Variants in FAXC observed in about 807,000 individuals in gnomAD.
FAXC encodes the protein failed axon connections homolog.
FAXC carries 10 observed loss-of-function variants against 41.9 expected under a neutral mutation model. That is an observed-to-expected ratio of 0.24 (90% CI 0.15 to 0.41). The LOEUF is 0.41. Among genes scored for constraint, FAXC ranks in the 10% least tolerant of loss-of-function variants. FAXC has a pLI of 1.00. For missense variants in FAXC, 399 were observed against 510.9 expected (o/e 0.78, Z 2.11); for synonymous variants, 183 against 183.8 (o/e 1.00, Z 0.03).
chr6:99,302,711 A>G (rs531880708), intron 4 of FAXC, among the ~76,000 whole-genome samples: 31 of 152,218 alleles, frequency 2.0e-4, no homozygotes, highest in African/African-American at 7.2e-4. Context: ...CTACACTCAC[A>G]GGGAGAGGAA....
At chr6:99,291,555 G>T in intron 5 of FAXC, 149 bp downstream of exon 5, 1 of 681,522 alleles carries the variant, frequency 1.5e-6, no homozygotes, top group South Asian at 1.8e-5. Flanking sequence ...TGAGTACAGA[G>T]AACCAACCCT....
At chr6:99,319,378 G>A (rs221528) in intron 4 of FAXC, among the ~76,000 whole-genome samples, 65,607 of 141,192 alleles carry the variant, frequency 0.46, 16,198 homozygotes, top group African/African-American at 0.66. Flanking sequence ...TAGCCTGGGC[G>A]ACAGAGCGAG....
At chr6:99,322,788 T>C (rs998991422) in intron 4 of FAXC, among the ~76,000 whole-genome samples, 1 of 152,164 alleles carries the variant, frequency 6.6e-6, no homozygotes, top group African/African-American at 2.4e-5. Flanking sequence ...CAAGAGTACA[T>C]CATTCTATTC....
At chr6:99,302,915 C>T (rs1337047591) in intron 4 of FAXC, among the ~76,000 whole-genome samples, 2 of 151,818 alleles carry the variant, frequency 1.3e-5, no homozygotes, top group Non-Finnish European at 2.9e-5. Context: ...AATATAACAA[C>T]ATAACTATTA....
intron 4 of FAXC, among the ~76,000 whole-genome samples, chr6:99,316,843 G>A (rs1772375859): frequency 2.0e-5 from 3 of 152,172 alleles, no homozygotes; most frequent in Non-Finnish European, 2.9e-5. Flanking sequence ...TTATTCTACA[G>A]CAAAATTCAA....
Position 99,298,899 on chromosome 6 carries a change from A to G in FAXC, c.824-7079T>C, listed in dbSNP as rs370681761. 3.3e-5 allele frequency among the ~76,000 whole-genome samples: 5 copies of G among 152,228 alleles called. No individual in the cohort carries two copies. In the East Asian group the frequency reaches 5.8e-4, roughly 18 times the overall value. On this transcript the variant is annotated intron_variant, in intron 4 of 5. Coordinates refer to ENST00000389677, the MANE Select transcript of FAXC (RefSeq NM_032511.4). ...TCCAAGTGTAGGAATCCCTTCTCAC[A>G]CTTTCCTACCAGATACTCCCCATCC...
intron 2 of FAXC, among the ~76,000 whole-genome samples, chr6:99,341,698 T>A (rs908130588): frequency 6.6e-6 from 1 of 151,998 alleles, no homozygotes; most frequent in Admixed American, 6.6e-5. Flanking sequence ...GACAAAAAAA[T>A]AAGCAGAAAT....
intron 5 of FAXC, among the ~76,000 whole-genome samples, chr6:99,288,376 TGTGA>T (rs1032331272): frequency 1.3e-5 from 2 of 152,072 alleles, no homozygotes; most frequent in East Asian, 1.9e-4. Flanking sequence ...TGTGAGTAGA[TGTGA>T]GTGTGTATAT....
intron 4 of FAXC, among the ~76,000 whole-genome samples, chr6:99,293,584 A>G (rs1258250070): frequency 1.3e-5 from 2 of 151,966 alleles, no homozygotes; most frequent in Non-Finnish European, 2.9e-5. Flanking sequence ...AGGTGACTTG[A>G]GCAGAGCACA....
intron 5 of FAXC, among the ~76,000 whole-genome samples, chr6:99,288,632 C>G (rs1771110963): frequency 6.6e-6 from 1 of 152,184 alleles, no homozygotes; most frequent in East Asian, 1.9e-4. Context: ...AAACAAGGAA[C>G]ATCCTCATAA....
chr6:99,349,433 C>A lies in FAXC; in HGVS notation c.-61G>T. 8.4e-7 allele frequency: 1 copy of A among 1,185,760 alleles called. No individual in the cohort carries two copies. Among genetic ancestry groups the A allele is most frequent in the Non-Finnish European group, 1.0e-6 (1 of 956,884 alleles). 73.5% of individuals were successfully genotyped at this position (1,185,760 alleles called of 1,614,324 possible). ...CCGCGCCGCCCGCATGGGAAGGGGC[C>A]GGCGCGGCCCGGCGCGGGCTCAGAG... On this transcript the variant is annotated 5_prime_UTR_variant, in exon 1 of 6. Transcript: ENST00000389677.
chr6:99,326,097 A>T (rs564065759), intron 3 of FAXC, among the ~76,000 whole-genome samples: 1 of 152,366 alleles, frequency 6.6e-6, no homozygotes, highest in South Asian at 2.1e-4. Flanking sequence ...GCAAGGGCAC[A>T]ATCAGGACAG....
rs552386082 is a variant in FAXC at position 99,315,600 on chromosome 6, T to G, written c.823+7844A>C. Among the ~76,000 whole-genome samples, 3 of 152,308 alleles carry G rather than the reference T, an allele frequency of 2.0e-5. No individual in the cohort carries two copies. The South Asian group carries it at 6.2e-4, about 32-fold the overall frequency. On this transcript the variant is annotated intron_variant, in intron 4 of 5. Coordinates refer to ENST00000389677, the MANE Select transcript of FAXC (RefSeq NM_032511.4). ...AATTCTAATTATTACAAGTATACTC[T>G]CCTCCTAAGGTGTCTAACAACAGAA... is the stretch of plus-strand genomic sequence containing the variant.
At chr6:99,342,764 G>A in intron 2 of FAXC, 134 bp downstream of exon 2, 1 of 717,246 alleles carries the variant, frequency 1.4e-6, no homozygotes, top group Non-Finnish European at 2.2e-6. Context: ...TCTTACTAAG[G>A]ATTAGGCACT....
intron 4 of FAXC, among the ~76,000 whole-genome samples, chr6:99,295,493 A>G (rs1320675030): frequency 6.6e-6 from 1 of 151,950 alleles, no homozygotes; most frequent in African/African-American, 2.4e-5. Context: ...TAGAACAAAA[A>G]GGCTGACCCC....
In FAXC at chr6:99,271,634, C is replaced by A. The variant is rs938605733; in HGVS notation, c.*9530G>T. On this transcript the variant is annotated 3_prime_UTR_variant, in exon 6 of 6. Transcript: ENST00000389677. ...CAAATATTTCAAAATCTGAGAAAAA[C>A]CCAGATCCAAAACACTTCTGGTCCC... 1.3e-5 allele frequency: 2 copies of A among 152,112 alleles called. No homozygotes were observed. Among genetic ancestry groups the A allele is most frequent in the Non-Finnish European group, 2.9e-5 (2 of 68,020 alleles). The allele number at this position is 152,112 out of a possible 1,614,324, so 9.4% of individuals were successfully genotyped here. A position where few individuals can be genotyped will look rare whatever the true frequency, so the allele number is the denominator to read the frequency against.
rs1770818362 is a variant in FAXC, at chr6:99,281,199, T to C, written c.1195A>G (p.Met399Val). 3 of 1,551,754 alleles carry C rather than the reference T, an allele frequency of 1.9e-6. No homozygotes were observed. Among genetic ancestry groups the C allele is most frequent in the South Asian group, 1.1e-5 (1 of 89,796 alleles). The change falls in exon 6 of 6, where the codon ATG (methionine) becomes GTG (valine). Residue 399 changes from methionine to valine, a missense_variant. This residue lies in a region of FAXC where 92 missense variants were observed against 94.9 expected (regional missense o/e 0.97). Transcript: ENST00000389677. Reference protein sequence around the residue: ...GHSLFDSDVDMDDYTDHEQCK With the variant: ...GHSLFDSDVDVDDYTDHEQCK Reference sequence around the variant, plus strand: ...TGTTCGTGGTCTGTATAGTCATCCATGTCCACATCCGAATCAAAGAGTGAG... The same window carrying C: ...TGTTCGTGGTCTGTATAGTCATCCACGTCCACATCCGAATCAAAGAGTGAG...
chr6:99,309,200 T>C (rs186894093), intron 4 of FAXC, among the ~76,000 whole-genome samples: 1 of 152,082 alleles, frequency 6.6e-6, no homozygotes, highest in East Asian at 1.9e-4. Context: ...CATGATGCTA[T>C]CTTGTAAGGG....
Position 99,349,455 on chromosome 6 carries a change from A to T in FAXC, c.-83T>A, listed in dbSNP as rs1773718456. 4 of 1,040,860 alleles carry T rather than the reference A, an allele frequency of 3.8e-6. No homozygotes were observed. The highest frequency in any genetic ancestry group is 4.6e-6 in the Non-Finnish European group (4 of 864,550). 64.5% of individuals were successfully genotyped at this position (1,040,860 alleles called of 1,614,324 possible). On this transcript the variant is annotated 5_prime_UTR_variant, in exon 1 of 6. Coordinates refer to ENST00000389677, the MANE Select transcript of FAXC (RefSeq NM_032511.4). ...GGCCGGCGCGGCCCGGCGCGGGCTC[A>T]GAGGCGCGCGGAGGGCGCGGGCGGC...
Sources: allele counts gnomAD v4.1 joint callset (sites outside exome capture counted in the v4.1 genomes callset), GRCh38; gene constraint gnomAD v4.1.1; regional missense constraint gnomAD v4.1.1; transcripts MANE v1.5; gene names NCBI Gene and HGNC (gene_info 2026-07-23, HGNC 2026-07-21).